The following DYNC2H1 variants were observed in gnomAD, a reference collection of about 807,000 sequenced individuals.
DYNC2H1 encodes dynein cytoplasmic 2 heavy chain 1.
In DYNC2H1, 410 loss-of-function variants were observed where a neutral mutation model predicts 570.0. That is an observed-to-expected ratio of 0.72 (90% CI 0.66 to 0.78). The LOEUF is 0.78. DYNC2H1 is among the 30% of genes least tolerant of loss of function. The probability of loss-of-function intolerance (pLI) is 0.00; values close to 1 mark genes in which losing one functional copy is unlikely to be tolerated. For missense variants in DYNC2H1, 4,865 were observed against 5,046.4 expected, an observed-to-expected ratio of 0.96 and a Z score of 1.09; for synonymous variants, 1,688 against 1,677.6, an observed-to-expected ratio of 1.01 and a Z score of -0.15.
chr11:103,379,444 C>G (rs780507700), intron 83 of DYNC2H1, among the ~76,000 whole-genome samples: 14 of 152,022 alleles, frequency 9.2e-5, no homozygotes, highest in Non-Finnish European at 2.1e-4. Flanking sequence ...TCATAATAGC[C>G]AAATTTATCA....
intron 15 of DYNC2H1, 117 bp from the exon 16 acceptor site, chr11:103,135,378 A>G: frequency 2.2e-6 from 2 of 927,630 alleles, no homozygotes; most frequent in Non-Finnish European, 3.0e-6. Flanking sequence ...CATATTTGAA[A>G]TGAGTTGGTT....
Position 103,173,112 on chromosome 11 carries a change from A to G in DYNC2H1, c.5365A>G (p.Ile1789Val), listed in dbSNP as rs753390838. The G allele has an allele frequency of 3.6e-6, 5 of 1,383,500 alleles. No individual in the cohort carries two copies. Among genetic ancestry groups the G allele is most frequent in the Admixed American group, 5.6e-5 (2 of 35,444 alleles). The allele number at this position is 1,383,500 out of a possible 1,614,324, so 85.7% of individuals were successfully genotyped here. Residue 1789 changes from isoleucine (I) to valine (V), a missense_variant, in exon 35 of 89, where the codon ATC becomes GTC. Ile to Val is a conservative substitution (Grantham distance 29). Coordinates refer to ENST00000375735, the MANE Select transcript of DYNC2H1 (RefSeq NM_001377.3). Reference sequence around the variant, plus strand: ...AGTAAATTCTAATTCTGGAATTTTTATCACTATGAATCCTGCTGGAAAAGG... The same window carrying G: ...AGTAAATTCTAATTCTGGAATTTTTGTCACTATGAATCCTGCTGGAAAAGG... ...VEVNSNSGIF[I>V]TMNPAGKGYG...
chr11:103,135,921 A>C lies in DYNC2H1; in HGVS notation c.2547A>C (p.Arg849Ser). The C allele has an allele frequency of 1.9e-6, 3 of 1,608,952 alleles. No individual in the cohort carries two copies. Among genetic ancestry groups the C allele is most frequent in the Non-Finnish European group, 1.7e-6 (2 of 1,176,972 alleles). ...IFSKAEDLFR[R>S]LSAVLHQHKE... The stretch of plus-strand genomic sequence containing the variant: ...GCAAAGCAGAAGATCTGTTTAGAAG[A>C]TTGTCAGCTGTTTTACACCAACATA... The change falls in exon 17 of 89, where the codon AGA becomes AGC. Residue 849 changes from arginine to serine, a missense_variant. Physicochemically the swap from Arg to Ser is moderately radical, Grantham distance 110. Transcript: ENST00000375735.
intron 84 of DYNC2H1, among the ~76,000 whole-genome samples, chr11:103,423,795 G>T (rs998343289): frequency 6.6e-6 from 1 of 151,946 alleles, no homozygotes; most frequent in Admixed American, 6.6e-5. Flanking sequence ...AAGACTTGTG[G>T]ATGGGAAAGA....
chr11:103,232,663 T>A (rs183917022), intron 60 of DYNC2H1, among the ~76,000 whole-genome samples: 18 of 152,118 alleles, frequency 1.2e-4, no homozygotes, highest in Admixed American at 5.2e-4. Context: ...ATAAGCATGA[T>A]CTATCAATTT....
rs1294631980 is a variant in DYNC2H1 at position 103,211,955 on chromosome 11, G to C, written c.8694+12G>C. ...AAAGTCATTTGCAGGTATAGTATTG[G>C]TAATCTTGAATTATTTTATCTATAT... On this transcript the variant is annotated intron_variant, in intron 54 of 88. Coordinates refer to ENST00000375735, the MANE Select transcript of DYNC2H1 (RefSeq NM_001377.3). The C allele has an allele frequency of 6.7e-7, 1 of 1,496,908 alleles. No individual in the cohort carries two copies. The highest frequency in any genetic ancestry group is 8.9e-7 in the Non-Finnish European group (1 of 1,123,230). 92.7% of individuals were successfully genotyped at this position (1,496,908 alleles called of 1,614,324 possible).
At chr11:103,226,547 C>T (rs559206144) in intron 59 of DYNC2H1, among the ~76,000 whole-genome samples, 5 of 152,212 alleles carry the variant, frequency 3.3e-5, no homozygotes, top group African/African-American at 4.8e-5. Context: ...AAACTTGCAT[C>T]CCTGGTATGA....
In DYNC2H1 at chr11:103,173,066, T is replaced by C. The variant is rs1158866735; in HGVS notation, c.5335-16T>C. On this transcript the variant is annotated splice_polypyrimidine_tract_variant and intron_variant, in intron 34 of 88. Transcript: ENST00000375735. ...ATATTTAATATTTAAATTAATATTT[T>C]TAATTAATATTTCAGGTAGAAGTAA... 3 of 1,168,974 alleles carry C rather than the reference T, an allele frequency of 2.6e-6. No homozygotes were observed. The highest frequency in any genetic ancestry group is 3.3e-6 in the Non-Finnish European group (3 of 904,056). 72.4% of individuals were successfully genotyped at this position (1,168,974 alleles called of 1,614,324 possible). A position where few individuals can be genotyped will look rare whatever the true frequency, so the allele number is the denominator to read the frequency against.
At position 103,177,750 on chromosome 11, in the gene DYNC2H1, C is replaced by T; in HGVS notation, c.6069C>T (p.Asp2023=). The T allele has an allele frequency of 1.9e-6, 3 of 1,613,288 alleles. No individual in the cohort carries two copies. The highest frequency in any genetic ancestry group is 8.5e-7 in the Non-Finnish European group (1 of 1,179,578). Residue 2023 remains aspartate (D), a synonymous_variant, in exon 38 of 89, where the codon GAC becomes GAT. Transcript: ENST00000375735. The surrounding 1 kb of genome is among the most constrained non-coding windows in gnomAD (Gnocchi z 4.4). The part of the protein sequence containing the change: ...MPRYQLLGHI[D]MDTREWSDGV... The stretch of plus-strand genomic sequence containing the variant: ...GATATCAATTATTAGGCCATATTGA[C>T]ATGGACACAAGAGAATGGTCTGATG...
At chr11:103,350,858 C>G (rs1359254942) in intron 82 of DYNC2H1, among the ~76,000 whole-genome samples, 1 of 152,014 alleles carries the variant, frequency 6.6e-6, no homozygotes, top group South Asian at 2.1e-4. Flanking sequence ...CCTCATTTAC[C>G]CTTAATTACC....
chr11:103,469,565 A>G (rs1945303974), intron 88 of DYNC2H1, among the ~76,000 whole-genome samples: 1 of 152,152 alleles, frequency 6.6e-6, no homozygotes, highest in Non-Finnish European at 1.5e-5. Context: ...GCACCAGAGT[A>G]TTTATTTAAG....
intron 18 of DYNC2H1, among the ~76,000 whole-genome samples, chr11:103,147,450 T>C (rs1860293387): frequency 6.6e-6 from 1 of 152,166 alleles, no homozygotes; most frequent in Non-Finnish European, 1.5e-5. Flanking sequence ...TGTTACATGC[T>C]GTGACAAGAG....
intron 34 of DYNC2H1, among the ~76,000 whole-genome samples, chr11:103,171,981 C>A (rs1302744747): frequency 6.6e-6 from 1 of 152,084 alleles, no homozygotes. Flanking sequence ...TTCGTTTGTA[C>A]AGAAAACGTA....
intron 83 of DYNC2H1, among the ~76,000 whole-genome samples, chr11:103,390,095 G>C (rs1170941637): frequency 6.6e-6 from 1 of 152,062 alleles, no homozygotes; most frequent in Non-Finnish European, 1.5e-5. Flanking sequence ...TTGACAGTGG[G>C]GTGTTAAAGT....
intron 50 of DYNC2H1, among the ~76,000 whole-genome samples, chr11:103,200,372 ATTGGTGAATATTCAG>A (rs1159148807): frequency 7.2e-5 from 11 of 152,164 alleles, no homozygotes; most frequent in African/African-American, 2.7e-4. Flanking sequence ...AATATTGAGT[ATTGGTGAATATTCAG>A]AAAAATTGAC....
rs1863353530 is a variant in DYNC2H1, at chr11:103,215,745, G to A, written c.8719G>A (p.Ala2907Thr). 7.5e-6 allele frequency: 12 copies of A among 1,609,954 alleles called. No homozygotes were observed. The highest frequency in any genetic ancestry group is 1.3e-5 in the African/African-American group (1 of 74,838). The change falls in exon 55 of 89, where the codon GCT becomes ACT. Residue 2907 changes from alanine to threonine, a missense_variant. Physicochemically the swap from Ala to Thr is moderately conservative, Grantham distance 58. Around this residue, in one of 5 missense-constraint regions of DYNC2H1, gnomAD observed 2,401 missense variants for 2,454.6 expected, o/e 0.98. Coordinates refer to ENST00000375735, the MANE Select transcript of DYNC2H1 (RefSeq NM_001377.3). ...LQAGVSKLNE[A>T]KALVDELNRK... ...GGCTGGTGTATCTAAACTAAATGAA[G>A]CTAAAGCTCTTGTGGATGAACTGAA... is the stretch of plus-strand genomic sequence containing the variant.
chr11:103,137,827 A>G (rs1425446648), intron 17 of DYNC2H1, among the ~76,000 whole-genome samples: 1 of 151,618 alleles, frequency 6.6e-6, no homozygotes, highest in Non-Finnish European at 1.5e-5. Context: ...CAGTATGGCC[A>G]TTTTCATGAT....
intron 83 of DYNC2H1, among the ~76,000 whole-genome samples, chr11:103,368,958 GA>G (rs1467096082): frequency 1.3e-5 from 2 of 152,048 alleles, no homozygotes; most frequent in Admixed American, 1.3e-4. Context: ...ACCCTGCAAG[GA>G]TACCAATTTA....
Position 103,177,899 on chromosome 11 carries a change from G to T in DYNC2H1, c.6139+79G>T. On this transcript the variant is annotated intron_variant, in intron 38 of 88. Transcript: ENST00000375735. The surrounding 1 kb of genome is among the most constrained non-coding windows in gnomAD (Gnocchi z 4.4). ...ATAATTTGTCTATAATGCTGTCTTT[G>T]TCAAGACTTCTACATGACCATAAAG... 1 of 1,442,764 alleles carries T rather than the reference G, an allele frequency of 6.9e-7. No homozygotes were observed. Among genetic ancestry groups the T allele is most frequent in the Non-Finnish European group, 9.2e-7 (1 of 1,084,410 alleles). 89.4% of individuals were successfully genotyped at this position (1,442,764 alleles called of 1,614,324 possible).
Sources: allele counts gnomAD v4.1 joint callset (sites outside exome capture counted in the v4.1 genomes callset), GRCh38; gene constraint gnomAD v4.1.1; regional missense constraint gnomAD v4.1.1; non-coding constraint Gnocchi (gnomAD v3.1); transcripts MANE v1.5; gene names NCBI Gene and HGNC (gene_info 2026-07-23, HGNC 2026-07-21).